The following RNF220 variants were observed in gnomAD, a reference collection of about 807,000 sequenced individuals.
RNF220 encodes the protein E3 ubiquitin-protein ligase RNF220.
Under a neutral mutation model 67.1 loss-of-function variants are expected in RNF220, and 7 were observed. That is an observed-to-expected ratio of 0.10 (90% CI 0.06 to 0.20). The LOEUF is 0.20. Among genes scored for constraint, RNF220 ranks in the 10% least tolerant of loss-of-function variants. RNF220 has a pLI of 1.00. For missense variants in RNF220, 565 were observed against 740.3 expected (o/e 0.76, Z 2.75); for synonymous variants, 270 against 283.2 (o/e 0.95, Z 0.47).
Position 44,650,444 on chromosome 1 carries a change from T to TGCCACA in RNF220, c.1630-257_1630-252dup, listed in dbSNP as rs1644761534. On this transcript the variant is annotated intron_variant, in intron 14 of 14. Transcript: ENST00000361799. This position sits in a 1 kb window ranked among gnomAD's most constrained non-coding sequence, Gnocchi z 4.3. ...CGTGTAATCTCGTTAGGGCTGCGGCTGCCACAGCTGGACCCAGCCTTGTTC... is the reference window on the plus strand; with the variant it reads ...CGTGTAATCTCGTTAGGGCTGCGGCTGCCACAGCCACAGCTGGACCCAGCCTTGTTC... The TGCCACA allele has an allele frequency of 1.8e-6, 1 of 553,472 alleles. No individual in the cohort carries two copies. The highest frequency in any genetic ancestry group is 3.0e-5 in the East Asian group (1 of 33,096). 34.3% of individuals were successfully genotyped at this position (553,472 alleles called of 1,614,324 possible). A position where few individuals can be genotyped will look rare whatever the true frequency, so the allele number is the denominator to read the frequency against.
At chr1:44,566,752 GA>G (rs34534355) in intron 2 of RNF220, among the ~76,000 whole-genome samples, 13,986 of 152,154 alleles carry the variant, frequency 0.092, 686 homozygotes, top group African/African-American at 0.13. Flanking sequence ...TTCCCTGAAG[GA>G]GAGAAAAAAG....
At chr1:44,544,946 T>A (rs1459035475) in intron 2 of RNF220, among the ~76,000 whole-genome samples, 1 of 152,212 alleles carries the variant, frequency 6.6e-6, no homozygotes, top group Non-Finnish European at 1.5e-5. Flanking sequence ...AGATGCTGAA[T>A]GAGTTAATGC....
At chr1:44,646,529 T>C (rs536336668) in intron 12 of RNF220, among the ~76,000 whole-genome samples, 33 of 152,354 alleles carry the variant, frequency 2.2e-4, no homozygotes, top group African/African-American at 7.5e-4. Context: ...TGGATGTTTA[T>C]TTAATAATTC....
At chr1:44,616,027 T>C (rs1200166167) in intron 3 of RNF220, among the ~76,000 whole-genome samples, 2 of 152,190 alleles carry the variant, frequency 1.3e-5, no homozygotes. Flanking sequence ...CACATGGCTG[T>C]TGGCAGGAGG....
rs541205788 is a variant in RNF220, at chr1:44,516,340, A to G, written c.626-97825A>G. Among the ~76,000 whole-genome samples the G allele has an allele frequency of 6.6e-5, 10 of 152,300 alleles. No individual in the cohort carries two copies. The South Asian group carries it at 1.4e-3, about 22-fold the overall frequency. On this transcript the variant is annotated intron_variant, in intron 2 of 14. Transcript: ENST00000361799. ...ACCTCCTAGAAGAAGCAAACACCTA[A>G]ATCAACTAGAGACCTTAAGGAAGAC...
intron 2 of RNF220, among the ~76,000 whole-genome samples, chr1:44,472,791 C>T (rs1654928271): frequency 6.6e-6 from 1 of 152,154 alleles, no homozygotes; most frequent in Non-Finnish European, 1.5e-5. Context: ...TCAAACTAGT[C>T]TGCAACAATA....
At chr1:44,573,022 C>A in intron 2 of RNF220, 1 of 394,092 alleles carries the variant, frequency 2.5e-6, no homozygotes, top group Non-Finnish European at 5.2e-6. Context: ...CGCAGGAGAA[C>A]TGAAGAGAAA....
At chr1:44,636,480 G>A (rs745876179) in intron 8 of RNF220, 30 of 716,794 alleles carry the variant, frequency 4.2e-5, no homozygotes, top group South Asian at 1.6e-4. Context: ...TTAAAGGGAC[G>A]GTTATGCATT....
chr1:44,525,456 A>G (rs1660296094), intron 2 of RNF220, among the ~76,000 whole-genome samples: 1 of 152,196 alleles, frequency 6.6e-6, no homozygotes. Context: ...ACAAAAAATA[A>G]CAGAACCTTG....
At position 44,632,400 on chromosome 1, in the gene RNF220, G is replaced by GGCCCCCCCCCCC; in HGVS notation, c.949+15_949+16insGCCCCCCCCCCC. 6.2e-7 allele frequency: 1 copy of GGCCCCCCCCCCC among 1,607,436 alleles called. No individual in the cohort carries two copies. Among genetic ancestry groups the GGCCCCCCCCCCC allele is most frequent in the Non-Finnish European group, 8.5e-7 (1 of 1,177,484 alleles). ...CCGACTGAATGGTGAGTCCTGCCCG[G>GGCCCCCCCCCCC]CCCCTCCCTCCGCCCCACCCCCGGC... On this transcript the variant is annotated intron_variant, in intron 6 of 14. Transcript: ENST00000361799.
Position 44,417,884 on chromosome 1 carries a change from T to C in RNF220, c.625+5162T>C, listed in dbSNP as rs1378971182. 6.6e-6 allele frequency among the ~76,000 whole-genome samples: 1 copy of C among 151,872 alleles called. No homozygotes were observed. Among genetic ancestry groups the C allele is most frequent in the East Asian group, 2.0e-4 (1 of 5,110 alleles). On this transcript the variant is annotated intron_variant, in intron 2 of 14. Coordinates refer to ENST00000361799, the MANE Select transcript of RNF220 (RefSeq NM_018150.4). The surrounding 1 kb of genome is among the most constrained non-coding windows in gnomAD (Gnocchi z 4.0). The stretch of plus-strand genomic sequence containing the variant: ...GGCTTGCAAGTGGTTTCAGAAATGT[T>C]GGTGATCTCGCCGTCGCTCTGCAGC...
At chr1:44,453,354 A>G (rs978128897) in intron 2 of RNF220, among the ~76,000 whole-genome samples, 2 of 152,150 alleles carry the variant, frequency 1.3e-5, no homozygotes, top group African/African-American at 4.8e-5. Context: ...AACTATAGCA[A>G]TGAAAGCTGC....
At chr1:44,629,378 A>G (rs564050473) in intron 5 of RNF220, among the ~76,000 whole-genome samples, 4 of 152,368 alleles carry the variant, frequency 2.6e-5, no homozygotes, top group Admixed American at 2.0e-4. Flanking sequence ...TGACTCCACT[A>G]GACTTGGAGT....
At position 44,651,191 on chromosome 1, in the gene RNF220, C is replaced by A. The variant is rs928165574; in HGVS notation, c.*416C>A. The stretch of plus-strand genomic sequence containing the variant: ...AATGTTGTGTATAAATGGGACAACT[C>A]CTCGCCCTCTACCTGTCCCCTCCCC... On this transcript the variant is annotated 3_prime_UTR_variant, in exon 15 of 15. Coordinates refer to ENST00000361799, the MANE Select transcript of RNF220 (RefSeq NM_018150.4). The A allele has an allele frequency of 4.8e-6, 1 of 208,186 alleles. No homozygotes were observed. The highest frequency in any genetic ancestry group is 4.9e-5 in the Admixed American group (1 of 20,484). 12.9% of individuals were successfully genotyped at this position (208,186 alleles called of 1,614,324 possible). A position where few individuals can be genotyped will look rare whatever the true frequency, so the allele number is the denominator to read the frequency against.
chr1:44,554,700 T>G (rs576453489), intron 2 of RNF220, among the ~76,000 whole-genome samples: 2 of 152,248 alleles, frequency 1.3e-5, no homozygotes, highest in South Asian at 4.1e-4. Flanking sequence ...TCAGAGCAGT[T>G]CCTTGCATGC....
intron 2 of RNF220, among the ~76,000 whole-genome samples, chr1:44,568,195 A>G (rs1250696707): frequency 6.6e-6 from 1 of 152,176 alleles, no homozygotes. Flanking sequence ...TCCAGTAACG[A>G]GCCCTCCCAA....
In RNF220 at chr1:44,650,605, C is replaced by A; in HGVS notation, c.1630-99C>A. 7.5e-7 allele frequency: 1 copy of A among 1,329,390 alleles called. No homozygotes were observed. The highest frequency in any genetic ancestry group is 1.1e-6 in the Non-Finnish European group (1 of 933,410). 82.3% of individuals were successfully genotyped at this position (1,329,390 alleles called of 1,614,324 possible). ...TGGGCTGACAGGACCAAGGTCTCAG[C>A]ACACACTGGTGCAGAGAGACATGGC... On this transcript the variant is annotated intron_variant, in intron 14 of 14. Coordinates refer to ENST00000361799, the MANE Select transcript of RNF220 (RefSeq NM_018150.4). The surrounding 1 kb of genome is among the most constrained non-coding windows in gnomAD (Gnocchi z 4.3).
chr1:44,412,107 C>A lies in RNF220; in HGVS notation c.10C>A (p.His4Asn), dbSNP rs769077992. Residue 4 changes from histidine (H) to asparagine (N), a missense_variant, in exon 2 of 15, where the codon CAC becomes AAC. Transcript: ENST00000361799. The surrounding 1 kb of genome is among the most constrained non-coding windows in gnomAD (Gnocchi z 5.3). MDL[H>N]RAAFKMENSS... ...ACAGAAAGAGACTCCGATGGACTTA[C>A]ACCGGGCAGCCTTCAAGATGGAGAA... is the stretch of plus-strand genomic sequence containing the variant. The A allele has an allele frequency of 6.2e-7, 1 of 1,611,026 alleles. No individual in the cohort carries two copies. Among genetic ancestry groups the A allele is most frequent in the Non-Finnish European group, 8.5e-7 (1 of 1,177,854 alleles).
intron 2 of RNF220, among the ~76,000 whole-genome samples, chr1:44,465,898 A>G (rs1259068273): frequency 6.6e-6 from 1 of 152,150 alleles, no homozygotes; most frequent in Non-Finnish European, 1.5e-5. Flanking sequence ...GTTTTGCCTT[A>G]ATGTTGATGG....
Sources: allele counts gnomAD v4.1 joint callset (sites outside exome capture counted in the v4.1 genomes callset), GRCh38; gene constraint gnomAD v4.1.1; non-coding constraint Gnocchi (gnomAD v3.1); transcripts MANE v1.5; gene names NCBI Gene and HGNC (gene_info 2026-07-23, HGNC 2026-07-21).